The following KLB variants were observed in gnomAD, a reference collection of about 807,000 sequenced individuals.
KLB encodes the protein klotho beta, also known as beta-klotho.
In KLB, 44 loss-of-function variants were observed where a neutral mutation model predicts 88.4. The observed-to-expected ratio is 0.50, with a 90% CI of 0.39 to 0.64. KLB has a LOEUF of 0.64. KLB is among the 30% of genes least tolerant of loss of function. KLB has a pLI of 0.00. For missense variants in KLB, 1,137 were observed against 1,304.8 expected, an observed-to-expected ratio of 0.87 and a Z score of 1.98; for synonymous variants, 548 against 513.4, an observed-to-expected ratio of 1.07 and a Z score of -0.91.
At chr4:39,418,802 G>T (rs1229727384) in intron 1 of KLB, among the ~76,000 whole-genome samples, 3 of 151,680 alleles carry the variant, frequency 2.0e-5, no homozygotes, top group Non-Finnish European at 4.4e-5. Flanking sequence ...ACAAAACTTA[G>T]CTGGGTGTGG....
At position 39,450,940 on chromosome 4, in the gene KLB, T is replaced by C. The variant is rs1743880323; in HGVS notation, c.*2254T>C. 6.6e-6 allele frequency: 1 copy of C among 152,058 alleles called. No homozygotes were observed. The highest frequency in any genetic ancestry group is 2.4e-5 in the African/African-American group (1 of 41,404). The allele number at this position is 152,058 out of a possible 1,614,324, so 9.4% of individuals were successfully genotyped here. A position where few individuals can be genotyped will look rare whatever the true frequency, so the allele number is the denominator to read the frequency against. On this transcript the variant is annotated 3_prime_UTR_variant, in exon 5 of 5. Transcript: ENST00000257408. ...TCAGGTTTTGCTTTCTCTTTCTCAC[T>C]TTGTTTAAAGTATCTCGTACTCACA...
chr4:39,414,211 A>C (rs1742918213), intron 1 of KLB, among the ~76,000 whole-genome samples: 1 of 151,814 alleles, frequency 6.6e-6, no homozygotes, highest in Non-Finnish European at 1.5e-5. Context: ...CATAAAAATG[A>C]TTATTTTACA....
In KLB at chr4:39,407,292, C is replaced by T. The variant is rs764384920; in HGVS notation, c.343C>T (p.His115Tyr). Reference protein sequence around the residue: ...KGPSIWDHFIHTHLKNVSSTN... With the variant: ...KGPSIWDHFIYTHLKNVSSTN... The stretch of plus-strand genomic sequence containing the variant: ...ACCTTCTATATGGGATCATTTCATC[C>T]ACACACACCTTAAAAATGTCAGCAG... The change falls in exon 1 of 5, where the codon CAC (histidine) becomes TAC (tyrosine). Residue 115 changes from histidine to tyrosine, a missense_variant. Coordinates refer to ENST00000257408, the MANE Select transcript of KLB (RefSeq NM_175737.4). The T allele has an allele frequency of 6.8e-6, 11 of 1,613,996 alleles. 1 individual carries two copies. In the Middle Eastern group the frequency reaches 9.9e-4, roughly 145 times the overall value.
chr4:39,416,986 T>C (rs1742978111), intron 1 of KLB, among the ~76,000 whole-genome samples: 1 of 152,116 alleles, frequency 6.6e-6, no homozygotes, highest in Non-Finnish European at 1.5e-5. Flanking sequence ...GTCTTGAAGA[T>C]TAAGTGTAAT....
At chr4:39,423,247 G>C (rs546879220) in intron 1 of KLB, among the ~76,000 whole-genome samples, 1 of 150,418 alleles carries the variant, frequency 6.6e-6, no homozygotes, top group South Asian at 2.2e-4. Context: ...GTTACACATA[G>C]AAGCGCTGTG....
intron 1 of KLB, among the ~76,000 whole-genome samples, chr4:39,427,169 T>C (rs1258040970): frequency 6.6e-6 from 1 of 152,034 alleles, no homozygotes; most frequent in Non-Finnish European, 1.5e-5. Flanking sequence ...AGGTTGTCTT[T>C]ACAAAACAAA....
chr4:39,429,172 A>G (rs1578207787), intron 1 of KLB, among the ~76,000 whole-genome samples: 1 of 152,352 alleles, frequency 6.6e-6, no homozygotes, highest in South Asian at 2.1e-4. Flanking sequence ...TTTATAGTAC[A>G]CATGAACATA....
intron 3 of KLB, among the ~76,000 whole-genome samples, chr4:39,443,954 C>G (rs1743677179): frequency 6.6e-6 from 1 of 151,678 alleles, no homozygotes; most frequent in Non-Finnish European, 1.5e-5. Flanking sequence ...GTCAGGAGTT[C>G]AAGACCAGCC....
At chr4:39,411,725 A>G (rs1450331396) in intron 1 of KLB, among the ~76,000 whole-genome samples, 1 of 151,410 alleles carries the variant, frequency 6.6e-6, no homozygotes, top group Non-Finnish European at 1.5e-5. Context: ...ATCACTTTAA[A>G]TATCATCTCT....
At position 39,447,114 on chromosome 4, in the gene KLB, G is replaced by A. The variant is rs1299151338; in HGVS notation, c.2388G>A (p.Arg796=). ...AATACATTGCCTCCAAGCACCGACG[G>A]GGGCTTTCCAGCTCGGCCCTGCCGC... ...MREYIASKHR[R]GLSSSALPRL... is the part of the protein sequence containing the mutation. Residue 796 remains arginine, a synonymous_variant, in exon 4 of 5, where the codon CGG becomes CGA. Transcript: ENST00000257408. 1 of 1,613,456 alleles carries A rather than the reference G, an allele frequency of 6.2e-7. No homozygotes were observed. Among genetic ancestry groups the A allele is most frequent in the Admixed American group, 1.7e-5 (1 of 60,028 alleles).
At chr4:39,420,455 T>G (rs953476705) in intron 1 of KLB, among the ~76,000 whole-genome samples, 9 of 152,150 alleles carry the variant, frequency 5.9e-5, no homozygotes, top group African/African-American at 2.2e-4. Flanking sequence ...TTTTTGGAAG[T>G]CGGGGGAAGC....
chr4:39,416,018 A>T lies in KLB; in HGVS notation c.825+8244A>T, dbSNP rs368107211. On this transcript the variant is annotated intron_variant, in intron 1 of 4. Coordinates refer to ENST00000257408, the MANE Select transcript of KLB (RefSeq NM_175737.4). ...CTGGACACGTGTTAGGCATTCAATG[A>T]GTAATTGATTATTTTCAATTTAAGG... 2.0e-3 allele frequency among the ~76,000 whole-genome samples: 311 copies of T among 152,162 alleles called. 3 individuals are homozygous for T. Among genetic ancestry groups the T allele is most frequent in the African/African-American group, 7.0e-3 (290 of 41,504 alleles).
chr4:39,424,576 C>T (rs762864403), intron 1 of KLB, among the ~76,000 whole-genome samples: 8 of 151,776 alleles, frequency 5.3e-5, no homozygotes, highest in South Asian at 2.1e-4. Flanking sequence ...AGGCTCTACA[C>T]GTGATGGCCC....
intron 3 of KLB, among the ~76,000 whole-genome samples, chr4:39,443,805 C>G (rs1416455496): frequency 6.7e-6 from 1 of 149,296 alleles, no homozygotes; most frequent in Non-Finnish European, 1.5e-5. Context: ...GATGTTGATA[C>G]TTGGGACTCT....
chr4:39,440,053 C>T (rs574623279), intron 3 of KLB, among the ~76,000 whole-genome samples: 2 of 152,176 alleles, frequency 1.3e-5, no homozygotes, highest in Non-Finnish European at 2.9e-5. Context: ...ATCGACCCGC[C>T]TCGGCCTCCC....
At chr4:39,418,416 T>A (rs1263843430) in intron 1 of KLB, among the ~76,000 whole-genome samples, 3 of 151,848 alleles carry the variant, frequency 2.0e-5, no homozygotes, top group African/African-American at 7.3e-5. Context: ...TTTTTGTACT[T>A]TTAGTAGAGA....
chr4:39,441,765 CATAAATAAATAAATAAATAAATAAATAA>C (rs199803695), intron 3 of KLB: 1 of 142,686 alleles, frequency 7.0e-6, no homozygotes, highest in African/African-American at 2.6e-5. Flanking sequence ...CTAGCCCAAA[CATAAATAAATAAATAAATAAATAAATAA>C]ATAAATAAAT....
At chr4:39,416,664 T>C (rs999531010) in intron 1 of KLB, among the ~76,000 whole-genome samples, 2 of 134,396 alleles carry the variant, frequency 1.5e-5, no homozygotes, top group African/African-American at 2.4e-5. Context: ...CATGAGCCTG[T>C]AGTTACCGCT....
At chr4:39,423,412 T>A (rs1046855579) in intron 1 of KLB, among the ~76,000 whole-genome samples, 5 of 151,832 alleles carry the variant, frequency 3.3e-5, no homozygotes, top group Non-Finnish European at 7.3e-5. Flanking sequence ...CGAGGACTAT[T>A]TAGCTCTTTT....
Sources: gnomAD v4.1 joint callset for allele counts (sites outside exome capture counted in the v4.1 genomes callset) on GRCh38, gnomAD v4.1.1 for gene constraint, MANE v1.5 for transcripts, NCBI Gene and HGNC (gene_info 2026-07-23, HGNC 2026-07-21) for gene names.